MARCHF1: variants seen among roughly 807,000 people sequenced by gnomAD.
MARCHF1 encodes membrane associated ring-CH-type finger 1.
Under a neutral mutation model 54.2 loss-of-function variants are expected in MARCHF1, and 40 were observed. The observed-to-expected ratio is 0.74, with a 90% CI of 0.57 to 0.96. The LOEUF (loss-of-function observed/expected upper bound fraction) is 0.96, where lower values mean the gene tolerates loss of function less well. Ranked by LOEUF, MARCHF1 falls within the 40% of genes least tolerant of loss-of-function variation. The probability of loss-of-function intolerance (pLI) is 0.00; values close to 1 mark genes in which losing one functional copy is unlikely to be tolerated. For missense variants in MARCHF1, 586 were observed against 656.5 expected (o/e 0.89, Z 1.17); for synonymous variants, 236 against 236.3 (o/e 1.00, Z 0.01).
At chr4:164,326,149 T>G (rs1283334955) in intron 1 of MARCHF1, among the ~76,000 whole-genome samples, 1 of 152,200 alleles carries the variant, frequency 6.6e-6, no homozygotes, top group African/African-American at 2.4e-5. Context: ...TCCTTCCTTT[T>G]TAAAAAATTC....
chr4:163,791,901 C>G (rs1340003302), intron 4 of MARCHF1, among the ~76,000 whole-genome samples: 3 of 152,042 alleles, frequency 2.0e-5, no homozygotes, highest in Non-Finnish European at 4.4e-5. Context: ...ACCTTTTGCC[C>G]CTATTACATC....
chr4:163,850,041 A>G (rs1291639119), intron 4 of MARCHF1, among the ~76,000 whole-genome samples: 1 of 152,176 alleles, frequency 6.6e-6, no homozygotes, highest in Non-Finnish European at 1.5e-5. Context: ...CCTGAAGGCA[A>G]CTAGAGGTCG....
intron 2 of MARCHF1, among the ~76,000 whole-genome samples, chr4:164,057,802 G>C (rs1754528722): frequency 6.6e-6 from 1 of 152,052 alleles, no homozygotes; most frequent in South Asian, 2.1e-4. Flanking sequence ...CATAATTTTT[G>C]TTCTGTTATG....
At chr4:163,681,161 A>G (rs932816392) in intron 5 of MARCHF1, among the ~76,000 whole-genome samples, 1 of 152,160 alleles carries the variant, frequency 6.6e-6, no homozygotes, top group Non-Finnish European at 1.5e-5. Flanking sequence ...GGGCTGTGCT[A>G]TCACATGCAT....
At chr4:163,952,158 T>C (rs1752146519) in intron 3 of MARCHF1, among the ~76,000 whole-genome samples, 1 of 152,230 alleles carries the variant, frequency 6.6e-6, no homozygotes, top group African/African-American at 2.4e-5. Flanking sequence ...CTTGCAAATA[T>C]ACAGACATAT....
intron 4 of MARCHF1, among the ~76,000 whole-genome samples, chr4:163,829,582 A>G (rs970279844): frequency 6.6e-6 from 1 of 152,180 alleles, no homozygotes; most frequent in African/African-American, 2.4e-5. Flanking sequence ...CTCTCCCTGA[A>G]TTTCTACAGA....
Position 164,239,955 on chromosome 4 carries a change from A to C in MARCHF1, c.-322-128293T>G, listed in dbSNP as rs1333569945. 3.9e-5 allele frequency among the ~76,000 whole-genome samples: 6 copies of C among 152,214 alleles called. No homozygotes were observed. In the East Asian group the frequency reaches 1.2e-3, roughly 29 times the overall value. ...TCTTGCATTGATAAGTACATGCTTA[A>C]GTAGAGTAAGAGAGCATCTTGCTCT... On this transcript the variant is annotated intron_variant, in intron 1 of 9. Transcript: ENST00000514618.
chr4:163,591,045 TTAA>T (rs1740573242), intron 7 of MARCHF1, among the ~76,000 whole-genome samples: 1 of 151,618 alleles, frequency 6.6e-6, no homozygotes, highest in African/African-American at 2.4e-5. Flanking sequence ...ACAATAATTA[TTAA>T]TAATCAATTA....
At chr4:164,289,437 G>C (rs1422641574) in intron 1 of MARCHF1, among the ~76,000 whole-genome samples, 4 of 151,826 alleles carry the variant, frequency 2.6e-5, no homozygotes, top group African/African-American at 9.7e-5. Flanking sequence ...TCACTATATG[G>C]ACTTTCATAA....
intron 3 of MARCHF1, among the ~76,000 whole-genome samples, chr4:163,880,830 T>A (rs1201301109): frequency 1.3e-5 from 2 of 152,216 alleles, no homozygotes; most frequent in Admixed American, 6.5e-5. Context: ...AGCACATTTA[T>A]TTAAAAATGT....
In MARCHF1 at chr4:164,128,401, T is replaced by C. The variant is rs1756231635; in HGVS notation, c.-322-16739A>G. Among the ~76,000 whole-genome samples the C allele has an allele frequency of 1.3e-5, 2 of 152,058 alleles. 1 individual carries two copies. The highest frequency in any genetic ancestry group is 4.1e-4 in the South Asian group (2 of 4,822). On this transcript the variant is annotated intron_variant, in intron 1 of 9. Coordinates refer to ENST00000514618, the MANE Select transcript of MARCHF1 (RefSeq NM_001394959.1). Reference sequence around the variant, plus strand: ...AAAGCTCTCAGAAAACAGTTATTAATATTCACAATGCTCTTAAAAATTAAG... The same window carrying C: ...AAAGCTCTCAGAAAACAGTTATTAACATTCACAATGCTCTTAAAAATTAAG...
chr4:163,883,908 G>T (rs1262586841), intron 3 of MARCHF1, among the ~76,000 whole-genome samples: 2 of 152,090 alleles, frequency 1.3e-5, no homozygotes, highest in African/African-American at 2.4e-5. Context: ...TAGCAAATTG[G>T]TATTCATAGA....
intron 1 of MARCHF1, among the ~76,000 whole-genome samples, chr4:164,344,796 G>A (rs1223292317): frequency 6.6e-6 from 1 of 152,072 alleles, no homozygotes; most frequent in East Asian, 1.9e-4. Flanking sequence ...ACTAAAAATA[G>A]CAAGCAACGC....
chr4:164,293,463 T>G (rs559871557), intron 1 of MARCHF1, among the ~76,000 whole-genome samples: 2 of 152,330 alleles, frequency 1.3e-5, no homozygotes, highest in South Asian at 4.1e-4. Context: ...CTCCCCATGT[T>G]GCTGGATAAA....
chr4:163,756,673 A>G (rs2874392), intron 4 of MARCHF1, among the ~76,000 whole-genome samples: 6,799 of 150,340 alleles, frequency 0.045, 407 homozygotes, highest in African/African-American at 0.13. Flanking sequence ...AGACAAAGAA[A>G]ATGAGCAGGA....
At chr4:163,977,836 G>A (rs913368810) in intron 3 of MARCHF1, among the ~76,000 whole-genome samples, 2 of 152,088 alleles carry the variant, frequency 1.3e-5, no homozygotes, top group African/African-American at 2.4e-5. Context: ...AACTTTCAAC[G>A]AACTTTTTCA....
intron 7 of MARCHF1, among the ~76,000 whole-genome samples, chr4:163,595,441 C>G (rs974923306): frequency 2.2e-5 from 3 of 136,966 alleles, no homozygotes; most frequent in African/African-American, 7.5e-5. Flanking sequence ...TGCCTAAGCC[C>G]GAGAGATTGC....
At chr4:164,204,221 C>T (rs1235630020) in intron 1 of MARCHF1, among the ~76,000 whole-genome samples, 1 of 152,156 alleles carries the variant, frequency 6.6e-6, no homozygotes, top group Non-Finnish European at 1.5e-5. Context: ...AACGTCATTT[C>T]ATCAAAGTAA....
intron 3 of MARCHF1, among the ~76,000 whole-genome samples, chr4:163,880,925 C>T (rs1028189370): frequency 6.6e-6 from 1 of 152,048 alleles, no homozygotes; most frequent in African/African-American, 2.4e-5. Flanking sequence ...GCGTTCATAC[C>T]CATGTCAGTT....
Sources: gnomAD v4.1 joint callset for allele counts (sites outside exome capture counted in the v4.1 genomes callset) on GRCh38, gnomAD v4.1.1 for gene constraint, MANE v1.5 for transcripts, NCBI Gene and HGNC (gene_info 2026-07-23, HGNC 2026-07-21) for gene names.